ZNF704: variants seen among roughly 807,000 people sequenced by gnomAD.
ZNF704 encodes the protein glucocorticoid induced gene 1.
A neutral mutation model predicts 44.7 loss-of-function variants in ZNF704; 10 were observed. The ratio of observed to expected loss-of-function variants is 0.22; its 90% confidence interval spans 0.14 to 0.38. The LOEUF is 0.38. Among genes scored for constraint, ZNF704 ranks in the 10% least tolerant of loss-of-function variants. The pLI, the probability that ZNF704 is intolerant of heterozygous loss-of-function variation, is 1.00. For missense variants in ZNF704, 390 were observed against 545.5 expected (o/e 0.71, Z 2.84); for synonymous variants, 211 against 207.6 (o/e 1.02, Z -0.14).
chr8:80,723,909 C>T (rs1806426363), intron 2 of ZNF704, among the ~76,000 whole-genome samples: 1 of 152,156 alleles, frequency 6.6e-6, no homozygotes, highest in Admixed American at 6.5e-5. Flanking sequence ...TTTCAAATGA[C>T]CTTTAGCACT....
chr8:80,820,330 A>G (rs1322577372), intron 2 of ZNF704, among the ~76,000 whole-genome samples: 1 of 152,218 alleles, frequency 6.6e-6, no homozygotes, highest in Non-Finnish European at 1.5e-5. Flanking sequence ...TCATTCTGCC[A>G]GAATATTGTC....
intron 1 of ZNF704, among the ~76,000 whole-genome samples, chr8:80,825,190 C>T (rs1446337411): frequency 6.6e-6 from 1 of 151,868 alleles, no homozygotes; most frequent in Non-Finnish European, 1.5e-5. Context: ...ATCTCACGTG[C>T]AGAGACACAC....
In ZNF704 at chr8:80,858,601, T is replaced by C. The variant is rs577338980; in HGVS notation, c.-22+15970A>G. On this transcript the variant is annotated intron_variant, in intron 1 of 8. Coordinates refer to ENST00000327835, the MANE Select transcript of ZNF704 (RefSeq NM_001033723.3). ...TACAAAAATTAGCCAAGCGTGGTAGTGCACACCTGTAATCCCAGCTGTTCG... is the reference window on the plus strand; with the variant it reads ...TACAAAAATTAGCCAAGCGTGGTAGCGCACACCTGTAATCCCAGCTGTTCG... Among the ~76,000 whole-genome samples, 54 of 151,978 alleles carry C rather than the reference T, an allele frequency of 3.6e-4. No individual in the cohort carries two copies. In the East Asian group the frequency reaches 7.0e-3, roughly 20 times the overall value.
chr8:80,650,614 C>T (rs1421140884), intron 7 of ZNF704, among the ~76,000 whole-genome samples: 1 of 151,798 alleles, frequency 6.6e-6, no homozygotes, highest in African/African-American at 2.4e-5. Flanking sequence ...GAAGTTTAGA[C>T]AAAAAAGAAT....
Position 80,703,192 on chromosome 8 carries a change from A to G in ZNF704, c.222-10085T>C, listed in dbSNP as rs775306051. Among the ~76,000 whole-genome samples the G allele has an allele frequency of 5.3e-5, 8 of 152,162 alleles. No individual in the cohort carries two copies. In the East Asian group the frequency reaches 5.8e-4, roughly 11 times the overall value. On this transcript the variant is annotated intron_variant, in intron 2 of 8. Transcript: ENST00000327835. ...CTCTTCCAACTCGTGAAAATTCTCCATAAGAAGACTCACTTTCTCCTCTCC... is the reference window on the plus strand; with the variant it reads ...CTCTTCCAACTCGTGAAAATTCTCCGTAAGAAGACTCACTTTCTCCTCTCC...
intron 2 of ZNF704, among the ~76,000 whole-genome samples, chr8:80,743,762 T>C (rs1357705319): frequency 6.6e-6 from 1 of 152,234 alleles, no homozygotes; most frequent in African/African-American, 2.4e-5. Flanking sequence ...TCTCTGTGCC[T>C]CAATTTCCTC....
chr8:80,745,510 G>A (rs1443275610), intron 2 of ZNF704, among the ~76,000 whole-genome samples: 1 of 152,094 alleles, frequency 6.6e-6, no homozygotes, highest in Non-Finnish European at 1.5e-5. Flanking sequence ...ATTATGTATG[G>A]ATAATGCCCA....
intron 4 of ZNF704, among the ~76,000 whole-genome samples, chr8:80,683,780 G>T (rs754639691): frequency 2.6e-5 from 4 of 152,216 alleles, no homozygotes; most frequent in Non-Finnish European, 5.9e-5. Context: ...CCTCACTACT[G>T]ATAGTAAGAG....
rs1806707048 is a variant in ZNF704, at chr8:80,738,724, T to C, written c.222-45617A>G. Among the ~76,000 whole-genome samples the C allele has an allele frequency of 2.0e-5, 3 of 152,330 alleles. No homozygotes were observed. The South Asian group carries it at 6.2e-4, about 32-fold the overall frequency. On this transcript the variant is annotated intron_variant, in intron 2 of 8. Coordinates refer to ENST00000327835, the MANE Select transcript of ZNF704 (RefSeq NM_001033723.3). ...CTTGATGGTATCTTGTTGAATATTG[T>C]TCTTTCCCAGATATGTATCTGTCAC...
At chr8:80,837,886 T>C (rs568738522) in intron 1 of ZNF704, among the ~76,000 whole-genome samples, 1 of 151,558 alleles carries the variant, frequency 6.6e-6, no homozygotes, top group African/African-American at 2.4e-5. Flanking sequence ...CCGGGGACCC[T>C]GGACACAGAA....
intron 1 of ZNF704, among the ~76,000 whole-genome samples, chr8:80,852,474 A>G (rs905601237): frequency 6.6e-6 from 1 of 152,226 alleles, no homozygotes; most frequent in African/African-American, 2.4e-5. Flanking sequence ...ATTGAACAGA[A>G]TGAACTTTTC....
intron 2 of ZNF704, among the ~76,000 whole-genome samples, chr8:80,784,283 A>G (rs551167530): frequency 1.3e-5 from 2 of 152,314 alleles, no homozygotes; most frequent in Admixed American, 1.3e-4. Flanking sequence ...ATAAACACCA[A>G]GGAGTGTGAT....
intron 1 of ZNF704, among the ~76,000 whole-genome samples, chr8:80,867,784 C>T (rs1809182167): frequency 6.6e-6 from 1 of 152,188 alleles, no homozygotes; most frequent in Non-Finnish European, 1.5e-5. Context: ...ACGTGTTAAC[C>T]ATCCCTGAAG....
chr8:80,759,122 T>C (rs987712129), intron 2 of ZNF704, among the ~76,000 whole-genome samples: 1 of 152,176 alleles, frequency 6.6e-6, no homozygotes, highest in Non-Finnish European at 1.5e-5. Context: ...TAAGACACTA[T>C]ACTAGGAATG....
chr8:80,883,575 A>C, the ZNF704 span, among the ~76,000 whole-genome samples: 1 of 152,186 alleles, frequency 6.6e-6, no homozygotes. Flanking sequence ...ACTAGTGGCT[A>C]TCATGTTGGA....
chr8:80,752,714 T>C (rs954569726), intron 2 of ZNF704, among the ~76,000 whole-genome samples: 4 of 152,184 alleles, frequency 2.6e-5, no homozygotes, highest in Non-Finnish European at 4.4e-5. Context: ...GCTAATTCTG[T>C]ATTTTTAGTA....
At chr8:80,870,697 G>A (rs80184900) in intron 1 of ZNF704, among the ~76,000 whole-genome samples, 8,141 of 151,994 alleles carry the variant, frequency 0.054, 276 homozygotes, top group Non-Finnish European at 0.076. Context: ...ATAGTGCTGT[G>A]CCCCAGAATC....
At chr8:80,693,984 G>C (rs897585875) in intron 2 of ZNF704, among the ~76,000 whole-genome samples, 1 of 152,120 alleles carries the variant, frequency 6.6e-6, no homozygotes, top group African/African-American at 2.4e-5. Context: ...GGCGAGCTTG[G>C]ACTAGGGTGG....
rs1257459185 is a variant in ZNF704, at chr8:80,636,265, T to C, written c.*5101A>G. Reference sequence around the variant, plus strand: ...ATTCTCAGACCCACAACAAAAGTTATAAAACATGAGATTGTCTTCAAAAAA... The same window carrying C: ...ATTCTCAGACCCACAACAAAAGTTACAAAACATGAGATTGTCTTCAAAAAA... On this transcript the variant is annotated 3_prime_UTR_variant, in exon 9 of 9. Coordinates refer to ENST00000327835, the MANE Select transcript of ZNF704 (RefSeq NM_001033723.3). 1 of 152,198 alleles carries C rather than the reference T, an allele frequency of 6.6e-6. No individual in the cohort carries two copies. The highest frequency in any genetic ancestry group is 1.9e-4 in the East Asian group (1 of 5,200). The allele number at this position is 152,198 out of a possible 1,614,324, so 9.4% of individuals were successfully genotyped here.
Sources: allele counts gnomAD v4.1 joint callset (sites outside exome capture counted in the v4.1 genomes callset), GRCh38; gene constraint gnomAD v4.1.1; transcripts MANE v1.5; gene names NCBI Gene and HGNC (gene_info 2026-07-23, HGNC 2026-07-21).